The following ZMYM4 variants were observed in gnomAD, a reference collection of about 807,000 sequenced individuals.
ZMYM4 encodes zinc finger MYM-type containing 4, also known as zinc finger MYM-type protein 4.
A neutral mutation model predicts 183.2 loss-of-function variants in ZMYM4; 31 were observed. The observed-to-expected ratio is 0.17, with a 90% CI of 0.13 to 0.23. The LOEUF (loss-of-function observed/expected upper bound fraction) is 0.23, where lower values mean the gene tolerates loss of function less well. ZMYM4 is among the 10% of genes least tolerant of loss of function. The pLI is 1.00. For missense variants in ZMYM4, 1,273 were observed against 1,840.3 expected, an observed-to-expected ratio of 0.69 and a Z score of 5.64; for synonymous variants, 592 against 631.2, an observed-to-expected ratio of 0.94 and a Z score of 0.93.
At chr1:35,336,506 C>T (rs946981316) in intron 2 of ZMYM4, among the ~76,000 whole-genome samples, 3 of 152,016 alleles carry the variant, frequency 2.0e-5, no homozygotes, top group African/African-American at 4.8e-5. Context: ...CCTGCCTCAG[C>T]CTCCCGAGTA....
chr1:35,314,573 C>A (rs976978862), intron 1 of ZMYM4, among the ~76,000 whole-genome samples: 7 of 151,356 alleles, frequency 4.6e-5, no homozygotes, highest in Non-Finnish European at 8.8e-5. Flanking sequence ...GTGTGAGCCA[C>A]TGCGCCTGGC....
At chr1:35,272,703 A>G (rs950530786) in intron 1 of ZMYM4, among the ~76,000 whole-genome samples, 1 of 151,890 alleles carries the variant, frequency 6.6e-6, no homozygotes, top group Non-Finnish European at 1.5e-5. Flanking sequence ...TGGGCAGGTG[A>G]CTGCATTTTT....
At chr1:35,287,002 G>A (rs1203852991) in intron 1 of ZMYM4, among the ~76,000 whole-genome samples, 1 of 151,028 alleles carries the variant, frequency 6.6e-6, no homozygotes, top group African/African-American at 2.4e-5. Context: ...AAATCTAATG[G>A]ATGCTTTTCA....
At chr1:35,359,746 G>A (rs1481481144) in intron 3 of ZMYM4, among the ~76,000 whole-genome samples, 2 of 152,042 alleles carry the variant, frequency 1.3e-5, no homozygotes, top group African/African-American at 2.4e-5. Flanking sequence ...TTGAACATTG[G>A]AACCTGAAGT....
chr1:35,413,019 C>A (rs1639976563), intron 26 of ZMYM4, among the ~76,000 whole-genome samples: 1 of 151,996 alleles, frequency 6.6e-6, no homozygotes, highest in African/African-American at 2.4e-5. Flanking sequence ...GTCCCTGTCT[C>A]AATTGATTTT....
At chr1:35,354,727 TAAAA>T (rs57493035) in intron 2 of ZMYM4, among the ~76,000 whole-genome samples, 3 of 84,034 alleles carry the variant, frequency 3.6e-5, no homozygotes, top group Admixed American at 2.5e-4. Context: ...ACTTTGTCTT[TAAAA>T]AAAAAAAAAA....
intron 26 of ZMYM4, among the ~76,000 whole-genome samples, chr1:35,410,858 T>A (rs1639861507): frequency 6.6e-6 from 1 of 152,110 alleles, no homozygotes; most frequent in Non-Finnish European, 1.5e-5. Context: ...TTCTCTTTTC[T>A]TTTTATTGCC....
chr1:35,276,726 G>C (rs918813641), intron 1 of ZMYM4, among the ~76,000 whole-genome samples: 9 of 152,026 alleles, frequency 5.9e-5, no homozygotes, highest in Admixed American at 2.6e-4. Flanking sequence ...TCCTGCTTCA[G>C]CCTCCCGAGT....
chr1:35,385,046 T>G (rs1644546513), intron 9 of ZMYM4, among the ~76,000 whole-genome samples: 2 of 152,116 alleles, frequency 1.3e-5, no homozygotes, highest in Admixed American at 6.5e-5. Flanking sequence ...GGTTTCACCA[T>G]GTTGACCTTG....
At chr1:35,342,794 C>G (rs1643251278) in intron 2 of ZMYM4, among the ~76,000 whole-genome samples, 1 of 152,040 alleles carries the variant, frequency 6.6e-6, no homozygotes, top group African/African-American at 2.4e-5. Flanking sequence ...CCTCAGCCTC[C>G]TAAGTAGCTG....
chr1:35,337,214 T>C (rs570300697), intron 2 of ZMYM4, among the ~76,000 whole-genome samples: 2 of 151,940 alleles, frequency 1.3e-5, no homozygotes, highest in South Asian at 4.2e-4. Flanking sequence ...AATACGAAAT[T>C]AGCTGGATGT....
Position 35,370,604 on chromosome 1 carries a change from G to C in ZMYM4, c.1158G>C (p.Lys386Asn). The C allele has an allele frequency of 6.2e-7, 1 of 1,608,610 alleles. No individual in the cohort carries two copies. Among genetic ancestry groups the C allele is most frequent in the Non-Finnish European group, 8.5e-7 (1 of 1,176,964 alleles). The stretch of plus-strand genomic sequence containing the variant: ...CCCGCCCACCGCCTCCTCTCACCAA[G>C]AAAACTTGTTCAAGTTGCTCAAAGT... ...PPARPPPPLT[K>N]KTCSSCSKDI... Residue 386 changes from lysine to asparagine, a missense_variant, in exon 7 of 30, where the codon AAG (lysine) becomes AAC (asparagine). By Grantham distance (94) the Lys-to-Asn change is moderately conservative (BLOSUM62 0). Transcript: ENST00000314607.
intron 1 of ZMYM4, among the ~76,000 whole-genome samples, chr1:35,320,202 T>C (rs1052501782): frequency 5.9e-5 from 9 of 152,208 alleles, no homozygotes. Flanking sequence ...AGCTTCAGCA[T>C]GGGGCTGGTC....
At chr1:35,299,561 T>C (rs182893706) in intron 1 of ZMYM4, among the ~76,000 whole-genome samples, 3 of 152,314 alleles carry the variant, frequency 2.0e-5, no homozygotes, top group East Asian at 1.9e-4. Flanking sequence ...ACAAAAGTTA[T>C]ACCCTATGCA....
At chr1:35,338,745 G>A (rs1643076442) in intron 2 of ZMYM4, among the ~76,000 whole-genome samples, 1 of 152,136 alleles carries the variant, frequency 6.6e-6, no homozygotes, top group South Asian at 2.1e-4. Context: ...CACATTTATT[G>A]GGTATTTTTA....
chr1:35,291,020 T>G (rs1179227386), intron 1 of ZMYM4, among the ~76,000 whole-genome samples: 2 of 152,182 alleles, frequency 1.3e-5, no homozygotes, highest in East Asian at 1.9e-4. Context: ...ATCCTTTCAT[T>G]GTACAGTTCT....
chr1:35,335,300 G>A (rs373685760), intron 2 of ZMYM4, among the ~76,000 whole-genome samples: 2 of 151,326 alleles, frequency 1.3e-5, no homozygotes, highest in Non-Finnish European at 2.9e-5. Flanking sequence ...GCAGTGACGC[G>A]ATCTCGGCTC....
At chr1:35,387,625 T>TA (rs1644605473) in intron 13 of ZMYM4, 21 bp downstream of exon 13, 3 of 1,591,316 alleles carry the variant, frequency 1.9e-6, no homozygotes, top group African/African-American at 2.7e-5. Flanking sequence ...AAGATTATCT[T>TA]ACCTACTGAG....
intron 1 of ZMYM4, among the ~76,000 whole-genome samples, chr1:35,281,330 G>A (rs1640147172): frequency 1.3e-5 from 2 of 151,296 alleles, no homozygotes; most frequent in Admixed American, 6.6e-5. Flanking sequence ...GTGTTAAAAT[G>A]TACATAACAA....
Sources: gnomAD v4.1 joint callset for allele counts (sites outside exome capture counted in the v4.1 genomes callset) on GRCh38, gnomAD v4.1.1 for gene constraint, MANE v1.5 for transcripts, NCBI Gene and HGNC (gene_info 2026-07-23, HGNC 2026-07-21) for gene names.